The following UGT8 variants were observed in gnomAD, a reference collection of about 807,000 sequenced individuals.
UGT8 encodes UDP glycosyltransferase 8, also known as 2-hydroxyacylsphingosine 1-beta-galactosyltransferase.
A neutral mutation model predicts 40.5 loss-of-function variants in UGT8; 12 were observed. The observed-to-expected ratio is 0.30, with a 90% CI of 0.19 to 0.48. The LOEUF (loss-of-function observed/expected upper bound fraction) is 0.48. Among genes scored for constraint, UGT8 ranks in the 20% least tolerant of loss-of-function variants. The pLI is 0.99. For missense variants in UGT8, 513 were observed against 648.7 expected (o/e 0.79, Z 2.27); for synonymous variants, 224 against 240.4 (o/e 0.93, Z 0.63).
intron 2 of UGT8, among the ~76,000 whole-genome samples, chr4:114,646,911 A>G (rs1733605711): frequency 6.6e-6 from 1 of 152,176 alleles, no homozygotes; most frequent in South Asian, 2.1e-4. Flanking sequence ...GTGAAGTTTC[A>G]GAGATTGAGA....
rs5861189 is a variant in UGT8, at chr4:114,669,381, CATATATATAT to C, written c.1262+1094_1262+1103del. Among the ~76,000 whole-genome samples, 132 of 150,486 alleles carry C rather than the reference CATATATATAT, an allele frequency of 8.8e-4. 1 individual carries two copies. Among genetic ancestry groups the C allele is most frequent in the Middle Eastern group, 3.4e-3 (1 of 294 alleles). On this transcript the variant is annotated intron_variant, in intron 5 of 5. Coordinates refer to ENST00000310836, the MANE Select transcript of UGT8 (RefSeq NM_001128174.3). ...TCAAAACATGATGTTATTTCATATA[CATATATATAT>C]ATATATATATATATATGCACACATA...
intron 1 of UGT8, among the ~76,000 whole-genome samples, chr4:114,618,598 C>G (rs1401483441): frequency 6.6e-6 from 1 of 152,146 alleles, no homozygotes; most frequent in Non-Finnish European, 1.5e-5. Context: ...AAACTGGAAA[C>G]CTCTGCTTGC....
Position 114,676,096 on chromosome 4 carries a change from C to G in UGT8, c.1434C>G (p.Ala478=). Residue 478 remains alanine (A), a synonymous_variant, in exon 6 of 6, where the codon GCC becomes GCG. Transcript: ENST00000310836. ...SFCQYFLLDI[A]FVLLLGAALL... is the part of the protein sequence containing the mutation. ...GTCAGTATTTTTTACTGGATATTGCCTTTGTGCTTTTGCTTGGTGCTGCCT... is the reference window on the plus strand; with the variant it reads ...GTCAGTATTTTTTACTGGATATTGCGTTTGTGCTTTTGCTTGGTGCTGCCT... 2 of 1,614,208 alleles carry G rather than the reference C, an allele frequency of 1.2e-6. No individual in the cohort carries two copies. Among genetic ancestry groups the G allele is most frequent in the Non-Finnish European group, 8.5e-7 (1 of 1,180,040 alleles).
At chr4:114,638,714 T>A (rs1199234384) in intron 2 of UGT8, among the ~76,000 whole-genome samples, 3 of 152,214 alleles carry the variant, frequency 2.0e-5, no homozygotes, top group Non-Finnish European at 4.4e-5. Flanking sequence ...GTTCTCTACT[T>A]TATTGGAAAG....
At chr4:114,639,134 C>T (rs1733060172) in intron 2 of UGT8, among the ~76,000 whole-genome samples, 1 of 152,162 alleles carries the variant, frequency 6.6e-6, no homozygotes, top group Non-Finnish European at 1.5e-5. Flanking sequence ...AGTTTTCTAG[C>T]TCACTGTGAT....
intron 2 of UGT8, among the ~76,000 whole-genome samples, chr4:114,653,587 A>G (rs1302995668): frequency 2.0e-5 from 3 of 152,052 alleles, no homozygotes; most frequent in African/African-American, 7.2e-5. Flanking sequence ...TTGACATATA[A>G]TTTAACTGAT....
chr4:114,658,104 T>C (rs1244497398), intron 2 of UGT8, among the ~76,000 whole-genome samples: 1 of 152,232 alleles, frequency 6.6e-6, no homozygotes, highest in African/African-American at 2.4e-5. Flanking sequence ...ATCCCAAGAT[T>C]TTTTTAAGAG....
chr4:114,661,911 A>G (rs901186724), intron 2 of UGT8, among the ~76,000 whole-genome samples: 5 of 152,180 alleles, frequency 3.3e-5, no homozygotes, highest in African/African-American at 1.2e-4. Context: ...GTGTATTCAT[A>G]TGATTTTACC....
At chr4:114,601,114 C>A (rs796077924) in intron 1 of UGT8, among the ~76,000 whole-genome samples, 1 of 152,224 alleles carries the variant, frequency 6.6e-6, no homozygotes, top group African/African-American at 2.4e-5. Flanking sequence ...TCTAAGATTT[C>A]CAGAGGACTA....
chr4:114,598,706 G>C (rs1730243003), upstream of UGT8: 1 of 111,336 alleles, frequency 9.0e-6, no homozygotes, highest in Admixed American at 8.1e-5. Flanking sequence ...GCGCGGCTGG[G>C]GGGCGGGGGG....
intron 1 of UGT8, among the ~76,000 whole-genome samples, chr4:114,615,085 T>C (rs1217406436): frequency 6.6e-6 from 1 of 152,184 alleles, no homozygotes; most frequent in Non-Finnish European, 1.5e-5. Context: ...CAAGTAGATA[T>C]AAAGCTTAGT....
chr4:114,676,260 A>C lies in UGT8; in HGVS notation c.1598A>C (p.His533Pro), dbSNP rs1025445689. Residue 533 changes from histidine (H) to proline (P), a missense_variant, in exon 6 of 6, where the codon CAT becomes CCT. Physicochemically the swap from His to Pro is moderately conservative, Grantham distance 77. Transcript: ENST00000310836. ...AATGGCAAGTACAAAAGAAATGGCC[A>C]TATTAAACATGAAAAGAAAGTGAAA... ...ILNGKYKRNGHIKHEKKVK is the reference protein window; with the variant it reads ...ILNGKYKRNGPIKHEKKVK The C allele has an allele frequency of 1.9e-6, 3 of 1,594,076 alleles. No individual in the cohort carries two copies. Among genetic ancestry groups the C allele is most frequent in the Non-Finnish European group, 2.6e-6 (3 of 1,170,616 alleles).
intron 4 of UGT8, 105 bp downstream of exon 4, chr4:114,665,861 G>GAACCTC: frequency 1.2e-6 from 1 of 805,894 alleles, no homozygotes; most frequent in Non-Finnish European, 1.9e-6. Context: ...TATACGGTAT[G>GAACCTC]TATGTAGTAT....
At chr4:114,645,686 C>T (rs898255891) in intron 2 of UGT8, among the ~76,000 whole-genome samples, 18 of 152,024 alleles carry the variant, frequency 1.2e-4, no homozygotes, top group African/African-American at 3.6e-4. Context: ...AAGTAGTCAT[C>T]GAATATATAC....
At chr4:114,618,599 C>T (rs1298677175) in intron 1 of UGT8, among the ~76,000 whole-genome samples, 2 of 152,148 alleles carry the variant, frequency 1.3e-5, no homozygotes, top group Non-Finnish European at 2.9e-5. Flanking sequence ...AACTGGAAAC[C>T]TCTGCTTGCT....
chr4:114,612,531 C>T (rs572731549), intron 1 of UGT8, among the ~76,000 whole-genome samples: 1 of 152,256 alleles, frequency 6.6e-6, no homozygotes, highest in South Asian at 2.1e-4. Flanking sequence ...AAAAAAATTG[C>T]ACATTAGATC....
At position 114,676,161 on chromosome 4, in the gene UGT8, A is replaced by G. The variant is rs1051114979; in HGVS notation, c.1499A>G (p.Tyr500Cys). 1.6e-5 allele frequency: 26 copies of G among 1,614,060 alleles called. No homozygotes were observed. Among genetic ancestry groups the G allele is most frequent in the Non-Finnish European group, 2.2e-5 (26 of 1,180,028 alleles). ...TTGTCTTGGGTGACAAAATTTATCTACAGAAAAATCAAAAGTCTGTGGTCT... is the reference window on the plus strand; with the variant it reads ...TTGTCTTGGGTGACAAAATTTATCTGCAGAAAAATCAAAAGTCTGTGGTCT... ...FLLSWVTKFI[Y>C]RKIKSLWSRN... is the part of the protein sequence containing the mutation. Residue 500 changes from tyrosine (Y) to cysteine (C), a missense_variant, in exon 6 of 6, where the codon TAC becomes TGC. Transcript: ENST00000310836.
chr4:114,615,354 A>T (rs1731340035), intron 1 of UGT8, among the ~76,000 whole-genome samples: 1 of 152,128 alleles, frequency 6.6e-6, no homozygotes, highest in South Asian at 2.1e-4. Context: ...GTTTATTGAT[A>T]CTTGTATGTT....
intron 2 of UGT8, among the ~76,000 whole-genome samples, chr4:114,634,275 G>A (rs1192099798): frequency 6.6e-6 from 1 of 152,178 alleles, no homozygotes; most frequent in Non-Finnish European, 1.5e-5. Context: ...AGAAACCTGT[G>A]GGTATATGAG....
Sources: gnomAD v4.1 joint callset for allele counts (sites outside exome capture counted in the v4.1 genomes callset) on GRCh38, gnomAD v4.1.1 for gene constraint, MANE v1.5 for transcripts, NCBI Gene and HGNC (gene_info 2026-07-23, HGNC 2026-07-21) for gene names.